The following PPP3CA variants were observed in gnomAD, a reference collection of about 807,000 sequenced individuals.
PPP3CA encodes CAM-PRP catalytic subunit.
A neutral mutation model predicts 66.5 loss-of-function variants in PPP3CA; 14 were observed. That is an observed-to-expected ratio of 0.21 (90% CI 0.14 to 0.33). The LOEUF (loss-of-function observed/expected upper bound fraction) is 0.33. Ranked by LOEUF, PPP3CA falls within the 10% of genes least tolerant of loss-of-function variation. The probability of loss-of-function intolerance (pLI) is 1.00; values close to 1 mark genes in which losing one functional copy is unlikely to be tolerated. For missense variants in PPP3CA, 317 were observed against 639.5 expected (o/e 0.50, Z 5.44); for synonymous variants, 232 against 226.2 (o/e 1.03, Z -0.23).
intron 3 of PPP3CA, among the ~76,000 whole-genome samples, chr4:101,104,924 G>A (rs1273667437): frequency 6.6e-6 from 1 of 152,082 alleles, no homozygotes. Context: ...TAATTAAAGA[G>A]CTGTTTTTGA....
At chr4:101,086,582 T>A (rs1420432613) in intron 6 of PPP3CA, among the ~76,000 whole-genome samples, 1 of 152,172 alleles carries the variant, frequency 6.6e-6, no homozygotes, top group Non-Finnish European at 1.5e-5. Flanking sequence ...ATGGATACTT[T>A]CCCTGTGCAG....
chr4:101,216,533 T>C (rs563809270), intron 1 of PPP3CA, among the ~76,000 whole-genome samples: 95 of 152,150 alleles, frequency 6.2e-4, no homozygotes, highest in African/African-American at 2.2e-3. Context: ...TATAAAACTT[T>C]CCTTTATTTT....
chr4:101,041,702 G>A (rs1727530798), intron 10 of PPP3CA, among the ~76,000 whole-genome samples: 1 of 151,962 alleles, frequency 6.6e-6, no homozygotes, highest in African/African-American at 2.4e-5. Flanking sequence ...CCAAAGTGCT[G>A]GGATTACAAG....
intron 2 of PPP3CA, among the ~76,000 whole-genome samples, chr4:101,127,732 T>C (rs1722291297): frequency 6.6e-6 from 1 of 152,208 alleles, no homozygotes; most frequent in African/African-American, 2.4e-5. Context: ...TTGAGTTCTA[T>C]TGCTATACAT....
chr4:101,320,195 A>T (rs1039311848), intron 1 of PPP3CA, among the ~76,000 whole-genome samples: 8 of 149,218 alleles, frequency 5.4e-5, no homozygotes, highest in African/African-American at 2.0e-4. Context: ...TCTGTAGTGA[A>T]TTTTTTTTTT....
At chr4:101,194,526 T>C (rs903329295) in intron 2 of PPP3CA, among the ~76,000 whole-genome samples, 1 of 152,080 alleles carries the variant, frequency 6.6e-6, no homozygotes, top group Admixed American at 6.6e-5. Flanking sequence ...CCATAAAGAG[T>C]AGATCCAAAG....
chr4:101,285,235 G>C (rs185545998), intron 1 of PPP3CA, among the ~76,000 whole-genome samples: 16 of 151,894 alleles, frequency 1.1e-4, no homozygotes, highest in Middle Eastern at 3.4e-3. Flanking sequence ...TTGACATAAA[G>C]GATTATGTTT....
intron 2 of PPP3CA, among the ~76,000 whole-genome samples, chr4:101,152,171 T>A (rs1343460400): frequency 6.6e-6 from 1 of 152,212 alleles, no homozygotes; most frequent in Non-Finnish European, 1.5e-5. Context: ...AAGATGTTTT[T>A]AATTTATTCT....
chr4:101,124,773 AAGAAAG>A (rs1722186672), intron 2 of PPP3CA, among the ~76,000 whole-genome samples: 5 of 130,582 alleles, frequency 3.8e-5, no homozygotes, highest in African/African-American at 1.3e-4. Flanking sequence ...GAAAGAAAGA[AAGAAAG>A]AAAGAAAGAA....
chr4:101,142,770 T>C (rs80321726), intron 2 of PPP3CA, among the ~76,000 whole-genome samples: 7 of 152,226 alleles, frequency 4.6e-5, no homozygotes, highest in African/African-American at 9.6e-5. Context: ...GGTAAGAAAA[T>C]AGACACTGGA....
chr4:101,195,044 G>A (rs1026445909), intron 2 of PPP3CA, among the ~76,000 whole-genome samples: 13 of 151,966 alleles, frequency 8.6e-5, no homozygotes, highest in African/African-American at 2.2e-4. Context: ...AGGCTGAGGC[G>A]GGCAGATCAC....
At chr4:101,080,346 C>T (rs1376802167) in intron 8 of PPP3CA, among the ~76,000 whole-genome samples, 186 bp downstream of exon 8, 10 of 151,966 alleles carry the variant, frequency 6.6e-5, no homozygotes, top group South Asian at 6.2e-4. Context: ...AGTGCATAAG[C>T]CCAATCTCTG....
chr4:101,040,541 C>T lies in PPP3CA; in HGVS notation c.1182G>A (p.Glu394=), dbSNP rs771360753. ...FDGATAAARK[E]VIRNKIRAIG... is the part of the protein sequence containing the mutation. Reference sequence around the variant, plus strand: ...TTGCTCGGATCTTGTTCCTTATCACCTCTTTCCGGGCTGCAGCTGTTGCAC... The same window carrying T: ...TTGCTCGGATCTTGTTCCTTATCACTTCTTTCCGGGCTGCAGCTGTTGCAC... The change falls in exon 11 of 14, where the codon GAG becomes GAA. Residue 394 remains glutamate, a synonymous_variant. Transcript: ENST00000394854. 9.3e-6 allele frequency: 15 copies of T among 1,613,284 alleles called. No homozygotes were observed. The highest frequency in any genetic ancestry group is 1.0e-5 in the Non-Finnish European group (12 of 1,179,756).
intron 2 of PPP3CA, among the ~76,000 whole-genome samples, chr4:101,120,593 A>C (rs1394564847): frequency 7.7e-6 from 1 of 129,600 alleles, no homozygotes; most frequent in Admixed American, 7.9e-5. Context: ...ATTTACTTTT[A>C]TAATGATGTT....
chr4:101,313,624 T>A (rs953385669), intron 1 of PPP3CA, among the ~76,000 whole-genome samples: 5 of 152,100 alleles, frequency 3.3e-5, no homozygotes, highest in African/African-American at 1.2e-4. Flanking sequence ...CAGTACTCCA[T>A]GTTGGTTGGT....
At chr4:101,076,505 T>C (rs1487954462) in intron 8 of PPP3CA, among the ~76,000 whole-genome samples, 1 of 152,130 alleles carries the variant, frequency 6.6e-6, no homozygotes, top group East Asian at 1.9e-4. Context: ...ATGATTAGCA[T>C]TGCAGACATT....
chr4:101,081,147 T>C (rs1009011990), intron 7 of PPP3CA, among the ~76,000 whole-genome samples: 1 of 152,128 alleles, frequency 6.6e-6, no homozygotes, highest in South Asian at 2.1e-4. Flanking sequence ...AATTTATGAA[T>C]TTTTAGATTA....
At chr4:101,042,585 TATTA>T (rs921196524) in intron 10 of PPP3CA, among the ~76,000 whole-genome samples, 4 of 152,178 alleles carry the variant, frequency 2.6e-5, no homozygotes, top group Admixed American at 6.5e-5. Flanking sequence ...TTCCTTGAAT[TATTA>T]ATTAGTCTCT....
Position 101,088,184 on chromosome 4 carries a change from A to G in PPP3CA, c.783-4921T>C, listed in dbSNP as rs1488350403. ...CGTGTGTGTAATAGCCTGCACATTT[A>G]TAATGACGGCACTATTCACTTTGTA... On this transcript the variant is annotated intron_variant, in intron 6 of 13. Transcript: ENST00000394854. Among the ~76,000 whole-genome samples the G allele has an allele frequency of 2.0e-5, 3 of 152,272 alleles. No individual in the cohort carries two copies. The East Asian group carries it at 5.8e-4, about 29-fold the overall frequency.
Sources: gnomAD v4.1 joint callset for allele counts (sites outside exome capture counted in the v4.1 genomes callset) on GRCh38, gnomAD v4.1.1 for gene constraint, MANE v1.5 for transcripts, NCBI Gene and HGNC (gene_info 2026-07-23, HGNC 2026-07-21) for gene names.